Variants in C1orf21 observed in about 807,000 individuals in gnomAD.
C1orf21 encodes uncharacterized protein C1orf21.
In C1orf21, 3 loss-of-function variants were observed where a neutral mutation model predicts 18.7. That is an observed-to-expected ratio of 0.16 (90% CI 0.07 to 0.42). C1orf21 has a LOEUF of 0.42. Among genes scored for constraint, C1orf21 ranks in the 10% least tolerant of loss-of-function variants. The pLI is 0.99. For missense variants in C1orf21, 104 were observed against 143.6 expected (o/e 0.72, Z 1.41); for synonymous variants, 41 against 46.4 (o/e 0.88, Z 0.47).
At chr1:184,580,157 C>G (rs1264497971) in intron 3 of C1orf21, among the ~76,000 whole-genome samples, 1 of 151,892 alleles carries the variant, frequency 6.6e-6, no homozygotes, top group Non-Finnish European at 1.5e-5. Flanking sequence ...GACCTTGACT[C>G]TTGACTGGTT....
intron 1 of C1orf21, among the ~76,000 whole-genome samples, chr1:184,465,007 G>GT (rs1247223098): frequency 6.6e-6 from 1 of 152,162 alleles, no homozygotes; most frequent in Non-Finnish European, 1.5e-5. Flanking sequence ...CTGGCCTCAA[G>GT]TGACCCTCCT....
chr1:184,580,162 C>T (rs1055158953), intron 3 of C1orf21, among the ~76,000 whole-genome samples: 1 of 151,894 alleles, frequency 6.6e-6, no homozygotes, highest in African/African-American at 2.4e-5. Context: ...TGACTCTTGA[C>T]TGGTTCACTT....
At chr1:184,611,459 T>C (rs538287730) in intron 5 of C1orf21, among the ~76,000 whole-genome samples, 331 of 152,292 alleles carry the variant, frequency 2.2e-3, no homozygotes, top group South Asian at 5.4e-3. Flanking sequence ...TCCTTTCACT[T>C]TTCCAGCCTC....
chr1:184,537,170 G>A (rs185837213), intron 3 of C1orf21, among the ~76,000 whole-genome samples: 33 of 152,146 alleles, frequency 2.2e-4, no homozygotes, highest in Non-Finnish European at 3.8e-4. Flanking sequence ...CTTAATAGTT[G>A]TGTACAGTTC....
intron 1 of C1orf21, among the ~76,000 whole-genome samples, chr1:184,389,060 C>T (rs1571335939): frequency 6.6e-6 from 1 of 152,136 alleles, no homozygotes; most frequent in Non-Finnish European, 1.5e-5. Flanking sequence ...GATAGGACAA[C>T]GGAGTGTATT....
intron 1 of C1orf21, among the ~76,000 whole-genome samples, chr1:184,389,232 G>A (rs1280628773): frequency 1.3e-5 from 2 of 151,746 alleles, no homozygotes; most frequent in Non-Finnish European, 2.9e-5. Flanking sequence ...CAGCTCTTGG[G>A]TGGGTGGGTG....
At chr1:184,483,102 CTG>C (rs1657681238) in intron 2 of C1orf21, among the ~76,000 whole-genome samples, 2 of 152,352 alleles carry the variant, frequency 1.3e-5, no homozygotes, top group South Asian at 4.1e-4. Flanking sequence ...GCCTGACACA[CTG>C]TGGCCCTTTC....
intron 1 of C1orf21, among the ~76,000 whole-genome samples, chr1:184,449,974 C>T (rs901466360): frequency 1.3e-5 from 2 of 152,116 alleles, no homozygotes; most frequent in East Asian, 1.9e-4. Flanking sequence ...AAGTCTCCTT[C>T]CTGATGTGCA....
chr1:184,521,378 C>G (rs1047904586), intron 3 of C1orf21, among the ~76,000 whole-genome samples: 1 of 151,940 alleles, frequency 6.6e-6, no homozygotes, highest in Admixed American at 6.6e-5. Flanking sequence ...TGGAAGCAAC[C>G]AAGGTGTCCT....
At chr1:184,616,778 C>G (rs555489629) in intron 5 of C1orf21, among the ~76,000 whole-genome samples, 1 of 152,080 alleles carries the variant, frequency 6.6e-6, no homozygotes. Context: ...CGTTCTTCCT[C>G]ATGGATGAAG....
chr1:184,462,889 C>G (rs979831545), intron 1 of C1orf21, among the ~76,000 whole-genome samples: 1 of 151,808 alleles, frequency 6.6e-6, no homozygotes, highest in South Asian at 2.1e-4. Flanking sequence ...CAAGACCAGC[C>G]TGGCCAACAC....
intron 3 of C1orf21, among the ~76,000 whole-genome samples, chr1:184,532,706 C>T (rs529963605): frequency 9.6e-4 from 146 of 152,276 alleles, no homozygotes; most frequent in African/African-American, 3.4e-3. Flanking sequence ...ATGACTGTGC[C>T]ACTGCACTTC....
chr1:184,556,613 T>C (rs1270254343), intron 3 of C1orf21, among the ~76,000 whole-genome samples: 2 of 152,202 alleles, frequency 1.3e-5, no homozygotes, highest in East Asian at 1.9e-4. Context: ...TGATTTTAAA[T>C]AGAAAATCTT....
chr1:184,398,484 G>C (rs1571340232), intron 1 of C1orf21, among the ~76,000 whole-genome samples: 1 of 152,206 alleles, frequency 6.6e-6, no homozygotes, highest in East Asian at 1.9e-4. Context: ...CTCATTTACT[G>C]GTTCTTTATG....
At chr1:184,487,284 G>T (rs898054813) in intron 2 of C1orf21, among the ~76,000 whole-genome samples, 1 of 152,218 alleles carries the variant, frequency 6.6e-6, no homozygotes, top group Non-Finnish European at 1.5e-5. Flanking sequence ...GCTGTCCTCC[G>T]TAGAGACTAG....
chr1:184,536,340 C>G (rs1027431558), intron 3 of C1orf21, among the ~76,000 whole-genome samples: 2 of 152,040 alleles, frequency 1.3e-5, no homozygotes, highest in African/African-American at 4.8e-5. Context: ...CCACTGTGCT[C>G]ACCCTGTGGT....
At chr1:184,408,316 T>C (rs1656280647) in intron 1 of C1orf21, 1 of 152,216 alleles carries the variant, frequency 6.6e-6, no homozygotes, top group African/African-American at 2.4e-5. Flanking sequence ...GGGAATGGTT[T>C]ATTTTTGTTG....
intron 3 of C1orf21, among the ~76,000 whole-genome samples, chr1:184,516,774 T>G (rs566653331): frequency 3.4e-4 from 52 of 152,108 alleles, no homozygotes; most frequent in Admixed American, 2.7e-3. Flanking sequence ...CACATGGGAG[T>G]TATGAGAGTA....
At position 184,447,056 on chromosome 1, in the gene C1orf21, A is replaced by T. The variant is rs527643434; in HGVS notation, c.-124-30330A>T. Among the ~76,000 whole-genome samples the T allele has an allele frequency of 2.6e-4, 40 of 152,248 alleles. 1 individual carries two copies. The South Asian group carries it at 7.9e-3, about 30-fold the overall frequency. ...TTGAGACTCAGTCCTGTCTATCTGT[A>T]CTGCCCATTACTTCACAAACATTTC... On this transcript the variant is annotated intron_variant, in intron 1 of 5. Coordinates refer to ENST00000235307, the MANE Select transcript of C1orf21 (RefSeq NM_030806.4).
Sources: allele counts gnomAD v4.1 joint callset (sites outside exome capture counted in the v4.1 genomes callset), GRCh38; gene constraint gnomAD v4.1.1; transcripts MANE v1.5; gene names NCBI Gene and HGNC (gene_info 2026-07-23, HGNC 2026-07-21).